Variants in PARVA observed in about 807,000 individuals in gnomAD.
The protein encoded by PARVA is alpha-parvin.
A neutral mutation model predicts 52.6 loss-of-function variants in PARVA; 25 were observed. The ratio of observed to expected loss-of-function variants is 0.48; its 90% CI spans 0.35 to 0.66. The LOEUF (loss-of-function observed/expected upper bound fraction) is 0.66, where lower values mean the gene tolerates loss of function less well. Ranked by LOEUF, PARVA falls within the 30% of genes least tolerant of loss-of-function variation. The pLI is 0.01. For synonymous variants in PARVA, 185 were observed against 179.1 expected (o/e 1.03, Z -0.26); for missense variants, 373 against 450.9 (o/e 0.83, Z 1.56).
chr11:12,440,973 G>C (rs1241830559), intron 1 of PARVA, among the ~76,000 whole-genome samples: 1 of 152,188 alleles, frequency 6.6e-6, no homozygotes, highest in Admixed American at 6.5e-5. Flanking sequence ...CCTCTATCAG[G>C]TAACCTAACA....
At chr11:12,396,528 A>G (rs1939747873) in intron 1 of PARVA, among the ~76,000 whole-genome samples, 1 of 152,220 alleles carries the variant, frequency 6.6e-6, no homozygotes, top group Admixed American at 6.5e-5. Context: ...CCTCATCTGC[A>G]AAATGGCATG....
Position 12,529,735 on chromosome 11 carries a change from C to T in PARVA, c.*1810C>T, listed in dbSNP as rs74863342. On this transcript the variant is annotated 3_prime_UTR_variant, in exon 13 of 13. Coordinates refer to ENST00000334956, the MANE Select transcript of PARVA (RefSeq NM_018222.5). ...CTGTCTATCTGCAGTAATTGAGGAC[C>T]CATAAAATTTAGATAACTACATGTC... 68 of 152,216 alleles carry T rather than the reference C, an allele frequency of 4.5e-4. No homozygotes were observed. Among genetic ancestry groups the T allele is most frequent in the African/African-American group, 1.6e-3 (65 of 41,522 alleles). The allele number at this position is 152,216 out of a possible 1,614,324, so 9.4% of individuals were successfully genotyped here. A position where few individuals can be genotyped will look rare whatever the true frequency, so the allele number is the denominator to read the frequency against.
chr11:12,461,786 C>A (rs1013776040), intron 1 of PARVA, among the ~76,000 whole-genome samples: 2 of 152,174 alleles, frequency 1.3e-5, no homozygotes, highest in African/African-American at 2.4e-5. Context: ...TGGGTGGAAA[C>A]TGTAGGACTT....
intron 10 of PARVA, among the ~76,000 whole-genome samples, chr11:12,514,855 G>T (rs1941549216): frequency 6.6e-6 from 1 of 152,242 alleles, no homozygotes. Flanking sequence ...GATTTTGCCA[G>T]TTGTCCAGTT....
At chr11:12,429,762 C>T (rs963626754) in intron 1 of PARVA, among the ~76,000 whole-genome samples, 93 of 152,184 alleles carry the variant, frequency 6.1e-4, no homozygotes, top group African/African-American at 2.1e-3. Flanking sequence ...AAAATCAGAC[C>T]TTGGCGATGA....
In PARVA at chr11:12,508,647, G is replaced by T. The variant is rs746845215; in HGVS notation, c.716+5G>T. On this transcript the variant is annotated splice_donor_5th_base_variant and intron_variant, in intron 7 of 12. Transcript: ENST00000334956. ...GGAAATAACTGGTAACACAGAGTAT[G>T]TCAACACCATTGTTGCCAGCGATTC... 7 of 1,595,950 alleles carry T rather than the reference G, an allele frequency of 4.4e-6. No individual in the cohort carries two copies. In the South Asian group the frequency reaches 7.8e-5, roughly 18 times the overall value.
chr11:12,396,917 T>G (rs1939755787), intron 1 of PARVA, among the ~76,000 whole-genome samples: 1 of 121,682 alleles, frequency 8.2e-6, no homozygotes, highest in African/African-American at 3.5e-5. Context: ...TCCTTTCCTT[T>G]CATGTACTTG....
At chr11:12,381,566 C>A (rs866125585) in intron 1 of PARVA, among the ~76,000 whole-genome samples, 3 of 152,166 alleles carry the variant, frequency 2.0e-5, no homozygotes, top group South Asian at 2.1e-4. Context: ...CCTGTACAGT[C>A]AAAAATCTGT....
intron 10 of PARVA, 101 bp downstream of exon 10, chr11:12,514,166 G>A (rs1015744301): frequency 1.1e-5 from 9 of 830,504 alleles, no homozygotes; most frequent in African/African-American, 1.7e-5. Context: ...TCCCAGCTGA[G>A]GGGGATGAGG....
chr11:12,490,817 AG>A (rs1223400386), intron 4 of PARVA, among the ~76,000 whole-genome samples: 1 of 152,196 alleles, frequency 6.6e-6, no homozygotes, highest in Non-Finnish European at 1.5e-5. Context: ...ATGTAATTGG[AG>A]TCAACGCGTG....
intron 4 of PARVA, among the ~76,000 whole-genome samples, chr11:12,493,004 G>A (rs1941251352): frequency 6.6e-6 from 1 of 152,014 alleles, no homozygotes; most frequent in South Asian, 2.1e-4. Context: ...ATATATATAT[G>A]AGTGGAAAAA....
At chr11:12,471,825 C>T (rs115260128) in intron 1 of PARVA, among the ~76,000 whole-genome samples, 76 of 152,238 alleles carry the variant, frequency 5.0e-4, no homozygotes, top group African/African-American at 1.1e-3. Context: ...TGGACAGTGC[C>T]GATCAGTGTA....
chr11:12,524,683 C>T (rs888765239), intron 12 of PARVA, among the ~76,000 whole-genome samples: 2 of 152,224 alleles, frequency 1.3e-5, no homozygotes, highest in African/African-American at 2.4e-5. Flanking sequence ...TCCTCGCCCT[C>T]TTGGGAGCGC....
At chr11:12,385,356 C>G (rs1377086406) in intron 1 of PARVA, among the ~76,000 whole-genome samples, 5 of 152,050 alleles carry the variant, frequency 3.3e-5, no homozygotes, top group Non-Finnish European at 1.5e-5. Flanking sequence ...TAAAGGCTAC[C>G]AGAATGACCC....
chr11:12,448,046 A>C, intron 1 of PARVA, among the ~76,000 whole-genome samples: 1 of 152,334 alleles, frequency 6.6e-6, no homozygotes, highest in African/African-American at 2.4e-5. Context: ...TCACCTGTCA[A>C]GGTATCTTTC....
At chr11:12,490,132 C>G (rs576578830) in intron 4 of PARVA, among the ~76,000 whole-genome samples, 11 of 150,278 alleles carry the variant, frequency 7.3e-5, no homozygotes, top group Admixed American at 4.7e-4. Flanking sequence ...AGGAGAATGG[C>G]GTGAACCAGG....
At chr11:12,516,135 G>A (rs994447535) in intron 10 of PARVA, among the ~76,000 whole-genome samples, 24 of 152,212 alleles carry the variant, frequency 1.6e-4, no homozygotes, top group African/African-American at 5.1e-4. Context: ...CACCGCACTC[G>A]GCCAGAAGCT....
chr11:12,381,103 A>G (rs1375417605), intron 1 of PARVA, among the ~76,000 whole-genome samples: 3 of 152,236 alleles, frequency 2.0e-5, no homozygotes, highest in African/African-American at 4.8e-5. Flanking sequence ...TTGCTGCGGC[A>G]TATGGTATTT....
chr11:12,463,730 G>A (rs1265704874), intron 1 of PARVA, among the ~76,000 whole-genome samples: 1 of 152,056 alleles, frequency 6.6e-6, no homozygotes, highest in Non-Finnish European at 1.5e-5. Context: ...TCAGAACAGA[G>A]GATCTATGAA....
Sources: gnomAD v4.1 joint callset for allele counts (sites outside exome capture counted in the v4.1 genomes callset) on GRCh38, gnomAD v4.1.1 for gene constraint, MANE v1.5 for transcripts, NCBI Gene and HGNC (gene_info 2026-07-23, HGNC 2026-07-21) for gene names.